GLIS3: variants seen among roughly 807,000 people sequenced by gnomAD.
GLIS3 encodes the protein zinc finger protein GLIS3.
In GLIS3, 53 loss-of-function variants were observed where a neutral mutation model predicts 78.6. The observed-to-expected ratio is 0.67, with a 90% CI of 0.54 to 0.85. The LOEUF is 0.85. GLIS3 is among the 40% of genes least tolerant of loss of function. The pLI, the probability that GLIS3 is intolerant of heterozygous loss-of-function variation, is 0.00. For synonymous variants in GLIS3, 684 were observed against 509.9 expected (o/e 1.34, Z -4.60); for missense variants, 1,703 against 1,231.1 (o/e 1.38, Z -5.74).
intron 4 of GLIS3, among the ~76,000 whole-genome samples, chr9:4,049,988 A>C (rs1308895565): frequency 6.6e-6 from 1 of 152,178 alleles, no homozygotes; most frequent in South Asian, 2.1e-4. Flanking sequence ...GAACACTTTT[A>C]CACTGTTGGT....
At position 4,118,477 on chromosome 9, in the gene GLIS3, G is replaced by C. The variant is rs146495848; in HGVS notation, c.1001C>G (p.Ser334Trp). Reference sequence around the variant, plus strand: ...GGACAGGTTGGCCGGCGAAGCCCTCGACCCGTTGATGTAGGCCACCAAGGA... The same window carrying C: ...GGACAGGTTGGCCGGCGAAGCCCTCCACCCGTTGATGTAGGCCACCAAGGA... The part of the protein sequence containing the change: ...PTSLVAYING[S>W]RASPANLSPQ... Residue 334 changes from serine to tryptophan, a missense_variant, in exon 4 of 11, where the codon TCG becomes TGG. Physicochemically the swap from Ser to Trp is radical, Grantham distance 177. Coordinates refer to ENST00000381971, the MANE Select transcript of GLIS3 (RefSeq NM_001042413.2). This position sits in a 1 kb window ranked among gnomAD's most constrained non-coding sequence, Gnocchi z 4.7. 6.2e-7 allele frequency: 1 copy of C among 1,614,014 alleles called. No homozygotes were observed. Among genetic ancestry groups the C allele is most frequent in the Non-Finnish European group, 8.5e-7 (1 of 1,180,030 alleles).
intron 6 of GLIS3, among the ~76,000 whole-genome samples, chr9:3,925,879 A>G (rs974813222): frequency 6.6e-6 from 1 of 152,204 alleles, no homozygotes; most frequent in Non-Finnish European, 1.5e-5. Flanking sequence ...CGTTTTATCA[A>G]TTAGCCTTTG....
intron 4 of GLIS3, among the ~76,000 whole-genome samples, chr9:4,003,614 C>T (rs1219379356): frequency 6.6e-6 from 1 of 152,180 alleles, no homozygotes; most frequent in Non-Finnish European, 1.5e-5. Flanking sequence ...TTTTGAGTGT[C>T]TCTAAGTCTC....
At chr9:4,126,066 G>A (rs766781280) in intron 2 of GLIS3, 125 bp from the exon 3 acceptor site, 10 of 728,602 alleles carry the variant, frequency 1.4e-5, no homozygotes, top group Non-Finnish European at 2.4e-5. Flanking sequence ...TTTTTTTTTA[G>A]TATTGGTGAT....
At chr9:4,123,172 A>G (rs1457065455) in intron 3 of GLIS3, among the ~76,000 whole-genome samples, 3 of 152,164 alleles carry the variant, frequency 2.0e-5, no homozygotes, top group African/African-American at 7.2e-5. Context: ...AAACTTTAAT[A>G]TTGTCAATAA....
At chr9:3,886,469 T>TA (rs1486668205) in intron 7 of GLIS3, among the ~76,000 whole-genome samples, 1 of 152,242 alleles carries the variant, frequency 6.6e-6, no homozygotes, top group Non-Finnish European at 1.5e-5. Context: ...AATGGGCTGT[T>TA]ACTAAAATGT....
At chr9:4,483,461 T>G in the GLIS3 span, among the ~76,000 whole-genome samples, 3 of 152,302 alleles carry the variant, frequency 2.0e-5, no homozygotes, top group East Asian at 3.9e-4. Context: ...GGCTCACGCC[T>G]GTAATCTCAG....
chr9:4,396,964 C>G, the GLIS3 span, among the ~76,000 whole-genome samples: 3 of 151,456 alleles, frequency 2.0e-5, 1 homozygote, highest in East Asian at 5.8e-4. Flanking sequence ...GCAGCTTCTT[C>G]TCTTGTCTCC....
rs529765024 is a variant in GLIS3, at chr9:3,858,469, G to A, written c.2298-2285C>T. Among the ~76,000 whole-genome samples the A allele has an allele frequency of 7.2e-5, 11 of 152,218 alleles. No homozygotes were observed. The East Asian group carries it at 2.1e-3, about 29-fold the overall frequency. On this transcript the variant is annotated intron_variant, in intron 8 of 10. Transcript: ENST00000381971. ...AGGTACAAACCATGGTTTTAGCACTGCTATCTCAAGGACATGAAGGAATAA... is the reference window on the plus strand; with the variant it reads ...AGGTACAAACCATGGTTTTAGCACTACTATCTCAAGGACATGAAGGAATAA...
the GLIS3 span, among the ~76,000 whole-genome samples, chr9:4,463,368 G>A: frequency 6.6e-5 from 10 of 151,990 alleles, no homozygotes; most frequent in African/African-American, 2.4e-4. Flanking sequence ...CTTTTATTTG[G>A]GACTCTCTCA....
chr9:4,246,327 C>T (rs776511256), intron 2 of GLIS3, among the ~76,000 whole-genome samples: 6 of 152,202 alleles, frequency 3.9e-5, no homozygotes, highest in Non-Finnish European at 8.8e-5. Context: ...CCTTTGCATA[C>T]ACAAATCAAC....
intron 1 of GLIS3, among the ~76,000 whole-genome samples, chr9:4,291,350 A>G (rs1473511952): frequency 6.6e-6 from 1 of 152,182 alleles, no homozygotes; most frequent in African/African-American, 2.4e-5. Context: ...TGTAATGAAC[A>G]TGAGGGACCT....
rs1287259480 is a variant in GLIS3 at position 4,118,818 on chromosome 9, GGCCGACTGACTTTCC to G, written c.645_659del (p.Glu216_Ala220del). ...GGGACCACTCCTGCTTCATGCTTGA[GGCCGACTGACTTTCC>G]GTCAGACTCAAGGTCGTGGACGCCA... On this transcript the variant is annotated inframe_deletion, in exon 4 of 11. Coordinates refer to ENST00000381971, the MANE Select transcript of GLIS3 (RefSeq NM_001042413.2). The surrounding 1 kb of genome is among the most constrained non-coding windows in gnomAD (Gnocchi z 4.7). 6.2e-7 allele frequency: 1 copy of G among 1,608,226 alleles called. No individual in the cohort carries two copies. The highest frequency in any genetic ancestry group is 1.3e-5 in the African/African-American group (1 of 75,004).
chr9:4,249,909 G>T (rs1055371885), intron 2 of GLIS3, among the ~76,000 whole-genome samples: 1 of 152,186 alleles, frequency 6.6e-6, no homozygotes, highest in Non-Finnish European at 1.5e-5. Context: ...CTGTTTATGT[G>T]ATGGATTACA....
rs763510948 is a variant in GLIS3, at chr9:3,977,460, C to T, written c.1711-40271G>A. 3.9e-5 allele frequency among the ~76,000 whole-genome samples: 6 copies of T among 152,078 alleles called. No homozygotes were observed. Among genetic ancestry groups the T allele is most frequent in the Non-Finnish European group, 8.8e-5 (6 of 68,022 alleles). ...ATTAAAAAGACTAATGAGAGCTGCT[C>T]GGTAAGAAAAGAAAAGATTTATTGA... On this transcript the variant is annotated intron_variant, in intron 4 of 10. Coordinates refer to ENST00000381971, the MANE Select transcript of GLIS3 (RefSeq NM_001042413.2). The surrounding 1 kb of genome is among the most constrained non-coding windows in gnomAD (Gnocchi z 4.1).
intron 2 of GLIS3, among the ~76,000 whole-genome samples, chr9:4,212,284 G>A (rs1820443109): frequency 1.3e-5 from 2 of 152,170 alleles, no homozygotes; most frequent in African/African-American, 4.8e-5. Context: ...TTCCTCTAAT[G>A]ATCCACAGTG....
At chr9:4,064,476 T>C (rs182369059) in intron 4 of GLIS3, among the ~76,000 whole-genome samples, 1 of 152,310 alleles carries the variant, frequency 6.6e-6, no homozygotes, top group Admixed American at 6.5e-5. Context: ...TTATTTTCTA[T>C]GGGGTTCTGC....
chr9:4,435,818 A>G, the GLIS3 span, among the ~76,000 whole-genome samples: 565 of 152,214 alleles, frequency 3.7e-3, 3 homozygotes, highest in Non-Finnish European at 5.1e-3. Context: ...GCGTGGTGGC[A>G]GGCTCCTGTA....
chr9:3,994,412 T>C (rs151068421), intron 4 of GLIS3, among the ~76,000 whole-genome samples: 1 of 152,320 alleles, frequency 6.6e-6, no homozygotes, highest in East Asian at 1.9e-4. Flanking sequence ...ACACCTTGAT[T>C]TGGGATTCAT....
Sources: gnomAD v4.1 joint callset for allele counts (sites outside exome capture counted in the v4.1 genomes callset) on GRCh38, gnomAD v4.1.1 for gene constraint, Gnocchi (gnomAD v3.1) non-coding constraint, MANE v1.5 for transcripts, NCBI Gene and HGNC (gene_info 2026-07-23, HGNC 2026-07-21) for gene names.